Variants in PRKCH observed in about 807,000 individuals in gnomAD.
PRKCH encodes protein kinase C eta type.
In PRKCH, 28 loss-of-function variants were observed where a neutral mutation model predicts 82.5. That is an observed-to-expected ratio of 0.34 (90% CI 0.25 to 0.47). The LOEUF (loss-of-function observed/expected upper bound fraction) is 0.47. Ranked by LOEUF, PRKCH falls within the 20% of genes least tolerant of loss-of-function variation. The pLI, the probability that PRKCH is intolerant of heterozygous loss-of-function variation, is 1.00. For synonymous variants in PRKCH, 322 were observed against 327.4 expected, an observed-to-expected ratio of 0.98 and a Z score of 0.18; for missense variants, 705 against 881.8, an observed-to-expected ratio of 0.80 and a Z score of 2.54.
rs146100017 is a variant in PRKCH at position 61,465,364 on chromosome 14, A to G, written c.1278+7685A>G. The stretch of plus-strand genomic sequence containing the variant: ...GTAATTTTACAGTTTTAGGTCTTAC[A>G]TTTAAGTCTTTAGTCCATTTTTCAG... On this transcript the variant is annotated intron_variant, in intron 9 of 13. Coordinates refer to ENST00000332981, the MANE Select transcript of PRKCH (RefSeq NM_006255.5). Among the ~76,000 whole-genome samples, 217 of 152,260 alleles carry G rather than the reference A, an allele frequency of 1.4e-3. 1 individual carries two copies. Among genetic ancestry groups the G allele is most frequent in the African/African-American group, 4.5e-3 (189 of 41,546 alleles).
At chr14:61,422,244 C>T (rs1293026311) in intron 2 of PRKCH, among the ~76,000 whole-genome samples, 9 of 152,046 alleles carry the variant, frequency 5.9e-5, no homozygotes, top group Non-Finnish European at 1.3e-4. Context: ...CTACCATGCC[C>T]AGCTAAATAT....
chr14:61,212,813 A>G (rs773034892), intron 1 of PRKCH, among the ~76,000 whole-genome samples: 59 of 152,328 alleles, frequency 3.9e-4, no homozygotes, highest in Non-Finnish European at 7.9e-4. Flanking sequence ...ATAAATTGCA[A>G]GATGCTAAGA....
At chr14:61,253,675 C>A (rs2044968923) in intron 1 of PRKCH, among the ~76,000 whole-genome samples, 1 of 152,170 alleles carries the variant, frequency 6.6e-6, no homozygotes, top group South Asian at 2.1e-4. Context: ...CAACTCTCTG[C>A]CTCTCATATA....
intron 2 of PRKCH, among the ~76,000 whole-genome samples, chr14:61,394,117 AAT>A (rs2046730691): frequency 1.3e-5 from 2 of 152,284 alleles, no homozygotes; most frequent in South Asian, 4.1e-4. Context: ...TTCTTTGAGA[AAT>A]AGTTTTCTCC....
chr14:61,398,826 G>C (rs1343417439), intron 2 of PRKCH, among the ~76,000 whole-genome samples: 3 of 151,920 alleles, frequency 2.0e-5, no homozygotes, highest in African/African-American at 7.2e-5. Flanking sequence ...AAAAGTAAAG[G>C]AAAGAGAACC....
At chr14:61,291,869 A>G (rs947669339) in intron 1 of PRKCH, among the ~76,000 whole-genome samples, 1 of 152,192 alleles carries the variant, frequency 6.6e-6, no homozygotes, top group Non-Finnish European at 1.5e-5. Flanking sequence ...ATCTCAGCCT[A>G]TAACTGATTT....
chr14:61,485,990 G>C (rs970974546), intron 10 of PRKCH, among the ~76,000 whole-genome samples: 2 of 152,060 alleles, frequency 1.3e-5, no homozygotes, highest in Admixed American at 6.6e-5. Flanking sequence ...CTTCACAAAG[G>C]TTCCAAGGAT....
chr14:61,319,395 G>T (rs1001588433), upstream of PRKCH, among the ~76,000 whole-genome samples: 1 of 151,988 alleles, frequency 6.6e-6, no homozygotes, highest in Admixed American at 6.5e-5. Flanking sequence ...CTCCTTGTGG[G>T]ACTGTAAGCC....
intron 1 of PRKCH, among the ~76,000 whole-genome samples, chr14:61,215,121 A>G (rs2044607780): frequency 6.6e-6 from 1 of 152,182 alleles, no homozygotes; most frequent in Admixed American, 6.5e-5. Flanking sequence ...GTGATGGTTC[A>G]TTGCATCTCT....
chr14:61,378,202 C>A (rs1298112868), intron 1 of PRKCH, among the ~76,000 whole-genome samples: 1 of 146,984 alleles, frequency 6.8e-6, no homozygotes, highest in Non-Finnish European at 1.5e-5. Context: ...TCTCCTAGGG[C>A]TTTTTTTTTC....
chr14:61,233,622 T>A (rs1432581464), intron 1 of PRKCH, among the ~76,000 whole-genome samples: 1 of 152,154 alleles, frequency 6.6e-6, no homozygotes, highest in Non-Finnish European at 1.5e-5. Context: ...GGGAGACACC[T>A]GCTGGGAAGT....
intron 9 of PRKCH, among the ~76,000 whole-genome samples, chr14:61,468,627 C>T (rs772963824): frequency 1.3e-5 from 2 of 152,120 alleles, no homozygotes; most frequent in African/African-American, 2.4e-5. Flanking sequence ...TCTCTTTGGA[C>T]GCGACTGCCA....
rs1334783711 is a variant in PRKCH, at chr14:61,280,786, T to C, written c.-19+93118T>C. The C allele has an allele frequency of 6.4e-7, 1 of 1,556,478 alleles. No homozygotes were observed. Among genetic ancestry groups the C allele is most frequent in the Non-Finnish European group, 8.6e-7 (1 of 1,160,268 alleles). On this transcript the variant is annotated intron_variant, in intron 1 of 3. Transcript: ENST00000555185. This position sits in a 1 kb window ranked among gnomAD's most constrained non-coding sequence, Gnocchi z 5.0. ...GTCGCGGGACACGCCGTAGCGCCGG[T>C]TGTTCTGGTAGAAGTTGGTCAGCTC...
At chr14:61,216,493 A>C (rs1461858308) in intron 1 of PRKCH, among the ~76,000 whole-genome samples, 2 of 152,180 alleles carry the variant, frequency 1.3e-5, no homozygotes, top group African/African-American at 4.8e-5. Context: ...AAATTAAAAA[A>C]AATTAAAAAA....
intron 1 of PRKCH, among the ~76,000 whole-genome samples, chr14:61,188,832 G>T (rs958234703): frequency 5.9e-5 from 9 of 151,824 alleles, no homozygotes; most frequent in East Asian, 3.9e-4. Flanking sequence ...CGATTCTCCT[G>T]CCTCAGCCTC....
At chr14:61,399,833 A>C (rs1881502159) in intron 2 of PRKCH, among the ~76,000 whole-genome samples, 1 of 152,146 alleles carries the variant, frequency 6.6e-6, no homozygotes, top group Non-Finnish European at 1.5e-5. Context: ...GGGGAAGGAA[A>C]ACTTCCTCAA....
intron 1 of PRKCH, among the ~76,000 whole-genome samples, chr14:61,188,271 A>AG (rs1343633692): frequency 3.9e-5 from 6 of 152,110 alleles, no homozygotes; most frequent in Non-Finnish European, 8.8e-5. Context: ...GGCAGAGGGG[A>AG]GGGGAGGCGG....
At chr14:61,391,410 T>C in intron 2 of PRKCH, 122 bp downstream of exon 2, 1 of 871,078 alleles carries the variant, frequency 1.1e-6, no homozygotes, top group East Asian at 3.0e-5. Context: ...AAAATCACTT[T>C]CATAAGTTGG....
chr14:61,382,665 A>T (rs894715976), intron 1 of PRKCH, among the ~76,000 whole-genome samples: 26 of 152,204 alleles, frequency 1.7e-4, no homozygotes, highest in Non-Finnish European at 3.5e-4. Context: ...CATCCAGCCA[A>T]GAATTTGAAT....
Sources: allele counts gnomAD v4.1 joint callset (sites outside exome capture counted in the v4.1 genomes callset), GRCh38; gene constraint gnomAD v4.1.1; non-coding constraint Gnocchi (gnomAD v3.1); transcripts MANE v1.5; gene names NCBI Gene and HGNC (gene_info 2026-07-23, HGNC 2026-07-21).